CTNNA2: variants seen among roughly 807,000 people sequenced by gnomAD.
CTNNA2 encodes catenin alpha-2.
In CTNNA2, 42 loss-of-function variants were observed where a neutral mutation model predicts 101.0. The observed-to-expected ratio is 0.42, with a 90% CI of 0.32 to 0.54. The LOEUF is 0.54. Among genes scored for constraint, CTNNA2 ranks in the 20% least tolerant of loss-of-function variants. The probability of loss-of-function intolerance (pLI) is 0.14; values close to 1 mark genes in which losing one functional copy is unlikely to be tolerated. For synonymous variants in CTNNA2, 450 were observed against 456.4 expected (o/e 0.99, Z 0.18); for missense variants, 871 against 1,223.1 (o/e 0.71, Z 4.29).
intron 2 of CTNNA2, among the ~76,000 whole-genome samples, chr2:79,732,683 A>G (rs540465770): frequency 7.3e-4 from 111 of 152,194 alleles, no homozygotes; most frequent in Non-Finnish European, 1.3e-3. Flanking sequence ...GTATACGATG[A>G]TACAGTTAAT....
At chr2:79,469,447 G>C (rs1341147380) in intron 4 of CTNNA2, among the ~76,000 whole-genome samples, 2 of 152,096 alleles carry the variant, frequency 1.3e-5, no homozygotes, top group Non-Finnish European at 2.9e-5. Context: ...TTCTACCAGA[G>C]GTACAAGGAG....
chr2:79,226,412 G>C (rs1181531525), intron 2 of CTNNA2, among the ~76,000 whole-genome samples: 1 of 152,068 alleles, frequency 6.6e-6, no homozygotes, highest in African/African-American at 2.4e-5. Flanking sequence ...GCTTAGCACA[G>C]TCCCTGGCTC....
chr2:80,422,319 A>C (rs1350412266), intron 9 of CTNNA2, among the ~76,000 whole-genome samples: 2 of 152,312 alleles, frequency 1.3e-5, no homozygotes, highest in African/African-American at 4.8e-5. Context: ...TCCACGATTC[A>C]GTTATCTCCA....
At chr2:80,407,317 A>G (rs934866636) in intron 8 of CTNNA2, among the ~76,000 whole-genome samples, 1 of 152,180 alleles carries the variant, frequency 6.6e-6, no homozygotes, top group Non-Finnish European at 1.5e-5. Context: ...GGTTATAAGT[A>G]AGCAGTGGGT....
chr2:79,188,186 G>A (rs529688741), intron 1 of CTNNA2, among the ~76,000 whole-genome samples: 1 of 152,170 alleles, frequency 6.6e-6, no homozygotes, highest in East Asian at 1.9e-4. Flanking sequence ...CCAAAGTACA[G>A]CAGTCATATA....
At chr2:79,774,844 GATTCCTAAGCCTT>G (rs1312074614) in intron 3 of CTNNA2, among the ~76,000 whole-genome samples, 4 of 152,152 alleles carry the variant, frequency 2.6e-5, no homozygotes, top group Non-Finnish European at 5.9e-5. Context: ...GAAAGGAATA[GATTCCTAAGCCTT>G]AGTGGCATAG....
chr2:80,458,390 A>G (rs1160111453), intron 9 of CTNNA2, among the ~76,000 whole-genome samples: 1 of 152,172 alleles, frequency 6.6e-6, no homozygotes, highest in African/African-American at 2.4e-5. Context: ...TCTGTGTGTC[A>G]AATAATATGG....
chr2:80,242,019 G>T (rs1368866570), intron 7 of CTNNA2, among the ~76,000 whole-genome samples: 1 of 152,070 alleles, frequency 6.6e-6, no homozygotes, highest in African/African-American at 2.4e-5. Context: ...ATTTTAGAAA[G>T]AATGTTTTAG....
At chr2:79,536,389 C>G (rs2103962867) in intron 1 of CTNNA2, among the ~76,000 whole-genome samples, 1 of 152,214 alleles carries the variant, frequency 6.6e-6, no homozygotes, top group African/African-American at 2.4e-5. Flanking sequence ...GCCATCCTAG[C>G]TAATAGTGTA....
chr2:79,762,054 G>A (rs190701650), intron 3 of CTNNA2, among the ~76,000 whole-genome samples: 5 of 152,128 alleles, frequency 3.3e-5, no homozygotes, highest in Admixed American at 1.3e-4. Context: ...GAAGGGCTTC[G>A]TCGTTAATTA....
In CTNNA2 at chr2:80,178,037, G is replaced by A. The variant is rs1219594954; in HGVS notation, c.1057-215174G>A. On this transcript the variant is annotated intron_variant, in intron 7 of 18. Transcript: ENST00000402739. Reference sequence around the variant, plus strand: ...GGTGCCTGCATATTGCACAAAGCCTGTGTAAATCAGGCCCTTGTCACCTTT... The same window carrying A: ...GGTGCCTGCATATTGCACAAAGCCTATGTAAATCAGGCCCTTGTCACCTTT... Among the ~76,000 whole-genome samples the A allele has an allele frequency of 3.9e-5, 6 of 152,330 alleles. 1 individual carries two copies. The East Asian group carries it at 9.7e-4, about 25-fold the overall frequency.
At chr2:79,477,024 C>T (rs990025769) in intron 4 of CTNNA2, among the ~76,000 whole-genome samples, 2 of 152,146 alleles carry the variant, frequency 1.3e-5, no homozygotes, top group African/African-American at 2.4e-5. Context: ...TATGACAATA[C>T]AGAACAAAAG....
chr2:80,570,366 A>G (rs1694477050), intron 12 of CTNNA2, among the ~76,000 whole-genome samples: 1 of 152,342 alleles, frequency 6.6e-6, no homozygotes, highest in East Asian at 1.9e-4. Flanking sequence ...TCTTAAAGGC[A>G]GAATAGGATA....
intron 4 of CTNNA2, among the ~76,000 whole-genome samples, chr2:79,411,453 C>T (rs1161238622): frequency 6.6e-6 from 1 of 151,862 alleles, no homozygotes; most frequent in African/African-American, 2.4e-5. Flanking sequence ...TATAAATTTC[C>T]AAAGTCGAAA....
rs1301486566 is a variant in CTNNA2 at position 80,510,252 on chromosome 2, A to G, written c.1291-34730A>G. 9.2e-5 allele frequency among the ~76,000 whole-genome samples: 14 copies of G among 152,326 alleles called. 1 individual carries two copies. The East Asian group carries it at 2.7e-3, about 29-fold the overall frequency. ...CCCCACAAAACACCATACAGAGTTC[A>G]TTATGTTGATGATTACTACCTGTAG... is the stretch of plus-strand genomic sequence containing the variant. On this transcript the variant is annotated intron_variant, in intron 9 of 18. Coordinates refer to ENST00000402739, the MANE Select transcript of CTNNA2 (RefSeq NM_001282597.3).
rs569851039 is a variant in CTNNA2 at position 79,840,816 on chromosome 2, C to G, written c.299-17197C>G. ...GTCTCGCTCTTTCGCCCAGGCCGGA[C>G]TGCAGTGGCGTGGCGCGATCTCGGC... On this transcript the variant is annotated intron_variant, in intron 3 of 18. Transcript: ENST00000402739. Among the ~76,000 whole-genome samples the G allele has an allele frequency of 2.2e-3, 334 of 151,132 alleles. 5 individuals carry two copies. Among genetic ancestry groups the G allele is most frequent in the Non-Finnish European group, 3.3e-3 (225 of 67,858 alleles).
chr2:79,540,617 T>A (rs1673349224), intron 1 of CTNNA2, among the ~76,000 whole-genome samples: 1 of 152,216 alleles, frequency 6.6e-6, no homozygotes. Context: ...ATGACTCAAT[T>A]GTTTTAGTTG....
At chr2:80,121,725 C>T (rs571552965) in intron 7 of CTNNA2, among the ~76,000 whole-genome samples, 29 of 152,212 alleles carry the variant, frequency 1.9e-4, no homozygotes, top group Non-Finnish European at 4.0e-4. Context: ...TCAGAGAGAA[C>T]CTGTAGGGAA....
intron 7 of CTNNA2, chr2:80,299,020 T>C (rs1022868580): frequency 2.0e-5 from 3 of 152,106 alleles, no homozygotes; most frequent in African/African-American, 7.2e-5. Flanking sequence ...TCTATATAAA[T>C]ATTCGAAAAA....
Sources: allele counts gnomAD v4.1 joint callset (sites outside exome capture counted in the v4.1 genomes callset), GRCh38; gene constraint gnomAD v4.1.1; transcripts MANE v1.5; gene names NCBI Gene and HGNC (gene_info 2026-07-23, HGNC 2026-07-21).